The following NYAP2 variants were observed in gnomAD, a reference collection of about 807,000 sequenced individuals.
NYAP2 encodes the protein neuronal tyrosine-phosphorylated phosphoinositide-3-kinase adaptor 2.
Under a neutral mutation model 50.4 loss-of-function variants are expected in NYAP2, and 23 were observed. The observed-to-expected ratio is 0.46, with a 90% CI of 0.33 to 0.65. The LOEUF is 0.65. NYAP2 is among the 30% of genes least tolerant of loss of function. NYAP2 has a pLI of 0.02. For missense variants in NYAP2, 885 were observed against 861.0 expected (o/e 1.03, Z -0.35); for synonymous variants, 394 against 365.2 (o/e 1.08, Z -0.90).
intron 4 of NYAP2, among the ~76,000 whole-genome samples, chr2:225,520,607 G>A (rs573964881): frequency 1.3e-5 from 2 of 152,016 alleles, no homozygotes; most frequent in Non-Finnish European, 2.9e-5. Flanking sequence ...ATTTCTGAGG[G>A]CTCTGTTCTG....
intron 6 of NYAP2, among the ~76,000 whole-genome samples, chr2:225,640,188 C>A (rs1395527845): frequency 6.6e-6 from 1 of 152,160 alleles, no homozygotes; most frequent in Non-Finnish European, 1.5e-5. Flanking sequence ...AAATAACCTG[C>A]CTTATAAATC....
chr2:225,548,643 GA>G (rs202137584), intron 4 of NYAP2, among the ~76,000 whole-genome samples: 1,927 of 151,140 alleles, frequency 0.013, 17 homozygotes, highest in Admixed American at 0.022. Context: ...ACATTGAGAG[GA>G]AAAAAAACTT....
At chr2:225,533,575 G>C (rs1206075944) in intron 4 of NYAP2, among the ~76,000 whole-genome samples, 2 of 152,080 alleles carry the variant, frequency 1.3e-5, no homozygotes, top group African/African-American at 2.4e-5. Flanking sequence ...TGTGGTCCCA[G>C]GTACTTCTGA....
intron 5 of NYAP2, among the ~76,000 whole-genome samples, chr2:225,620,183 A>T (rs1230782709): frequency 6.6e-6 from 1 of 152,252 alleles, no homozygotes; most frequent in African/African-American, 2.4e-5. Flanking sequence ...GATATGGATA[A>T]ATATGTCCTT....
At chr2:225,593,665 A>G (rs1012352170) in intron 5 of NYAP2, among the ~76,000 whole-genome samples, 2 of 152,222 alleles carry the variant, frequency 1.3e-5, no homozygotes, top group African/African-American at 4.8e-5. Context: ...AGGGAAAACA[A>G]GCTACAAACC....
intron 5 of NYAP2, among the ~76,000 whole-genome samples, chr2:225,589,545 A>ATATATAT (rs1449938512): frequency 1.4e-4 from 20 of 139,674 alleles, no homozygotes; most frequent in Admixed American, 3.6e-4. Flanking sequence ...ATATATATTT[A>ATATATAT]ATAGCTGGGT....
chr2:225,460,977 A>T (rs2106153754), intron 3 of NYAP2, among the ~76,000 whole-genome samples: 1 of 136,314 alleles, frequency 7.3e-6, no homozygotes, highest in Non-Finnish European at 1.5e-5. Flanking sequence ...TGAGCGACAG[A>T]GCGAGACTCT....
intron 3 of NYAP2, among the ~76,000 whole-genome samples, chr2:225,436,709 C>T (rs1291087434): frequency 6.7e-6 from 1 of 148,928 alleles, no homozygotes; most frequent in Admixed American, 6.7e-5. Flanking sequence ...AACTCTCTAA[C>T]CTAACTCTGA....
At chr2:225,426,681 A>C (rs1333807294) in intron 3 of NYAP2, among the ~76,000 whole-genome samples, 1 of 152,184 alleles carries the variant, frequency 6.6e-6, no homozygotes, top group African/African-American at 2.4e-5. Context: ...TTTGGCTTGC[A>C]TATTTGTTCA....
chr2:225,495,166 C>A (rs1690481161), intron 3 of NYAP2, among the ~76,000 whole-genome samples: 1 of 152,166 alleles, frequency 6.6e-6, no homozygotes, highest in South Asian at 2.1e-4. Flanking sequence ...ACCTATACAG[C>A]TTAAACCTGA....
At chr2:225,519,066 A>G (rs1690995206) in intron 4 of NYAP2, among the ~76,000 whole-genome samples, 1 of 152,004 alleles carries the variant, frequency 6.6e-6, no homozygotes, top group Admixed American at 6.6e-5. Flanking sequence ...AGAATTGCAC[A>G]ATGGCCCAAA....
chr2:225,632,240 T>C (rs1387012882), intron 6 of NYAP2, among the ~76,000 whole-genome samples: 1 of 152,226 alleles, frequency 6.6e-6, no homozygotes, highest in Non-Finnish European at 1.5e-5. Flanking sequence ...TGAGTCAGTA[T>C]TAACTGTTTC....
chr2:225,456,267 T>C (rs568960592), intron 3 of NYAP2, among the ~76,000 whole-genome samples: 1 of 152,320 alleles, frequency 6.6e-6, no homozygotes, highest in African/African-American at 2.4e-5. Flanking sequence ...TATCTCCTGA[T>C]GAAACATTTG....
At chr2:225,499,719 T>G (rs1690571743) in intron 3 of NYAP2, among the ~76,000 whole-genome samples, 1 of 152,140 alleles carries the variant, frequency 6.6e-6, no homozygotes, top group Non-Finnish European at 1.5e-5. Flanking sequence ...TTTTGAGACT[T>G]TGCCGTCTTG....
intron 3 of NYAP2, among the ~76,000 whole-genome samples, chr2:225,444,263 C>CT (rs72537620): frequency 0.79 from 120,459 of 152,040 alleles, 48,191 homozygotes; most frequent in African/African-American, 0.84. Context: ...GTCTAACATT[C>CT]ACACCAACAT....
intron 3 of NYAP2, among the ~76,000 whole-genome samples, chr2:225,495,002 AAC>A (rs1412756425): frequency 6.6e-6 from 1 of 152,204 alleles, no homozygotes; most frequent in Admixed American, 6.5e-5. Context: ...AAGATATTCA[AAC>A]ACTTTTATTT....
the NYAP2 span, among the ~76,000 whole-genome samples, chr2:225,671,474 T>C: frequency 2.6e-5 from 4 of 152,140 alleles, no homozygotes; most frequent in African/African-American, 7.2e-5. Context: ...CCCTTTCTAA[T>C]TCTAGTTTTC....
At chr2:225,692,603 C>G in the NYAP2 span, among the ~76,000 whole-genome samples, 2 of 151,658 alleles carry the variant, frequency 1.3e-5, no homozygotes, top group East Asian at 1.9e-4. Flanking sequence ...TACACACACA[C>G]AGTACAATAT....
intron 3 of NYAP2, among the ~76,000 whole-genome samples, chr2:225,505,063 T>A (rs1690680401): frequency 6.6e-6 from 1 of 152,008 alleles, no homozygotes; most frequent in Admixed American, 6.6e-5. Context: ...TATCTGGAAC[T>A]AATGGAAACT....
Sources: gnomAD v4.1 joint callset for allele counts (sites outside exome capture counted in the v4.1 genomes callset) on GRCh38, gnomAD v4.1.1 for gene constraint, MANE v1.5 for transcripts, NCBI Gene and HGNC (gene_info 2026-07-23, HGNC 2026-07-21) for gene names.